The following PBX1 variants were observed in gnomAD, a reference collection of about 807,000 sequenced individuals.
PBX1 encodes PBX homeobox 1.
Under a neutral mutation model 53.4 loss-of-function variants are expected in PBX1, and 6 were observed. That is an observed-to-expected ratio of 0.11 (90% CI 0.06 to 0.22). The LOEUF (loss-of-function observed/expected upper bound fraction) is 0.22, where lower values mean the gene tolerates loss of function less well. PBX1 is among the 10% of genes least tolerant of loss of function. The pLI is 1.00. For missense variants in PBX1, 251 were observed against 551.4 expected (o/e 0.46, Z 5.46); for synonymous variants, 204 against 212.3 (o/e 0.96, Z 0.34).
chr1:164,652,506 A>G (rs1659892441), intron 2 of PBX1, among the ~76,000 whole-genome samples: 1 of 152,140 alleles, frequency 6.6e-6, no homozygotes, highest in Non-Finnish European at 1.5e-5. Context: ...AGATGGGAAA[A>G]ATGAGGGATA....
At chr1:164,862,894 T>C (rs1039840546) in intron 2 of PBX1, among the ~76,000 whole-genome samples, 2 of 152,128 alleles carry the variant, frequency 1.3e-5, no homozygotes, top group Non-Finnish European at 2.9e-5. Context: ...TTTTCTGTAG[T>C]GGTGGTTGTT....
chr1:164,661,134 C>T (rs567166297), intron 2 of PBX1, among the ~76,000 whole-genome samples: 2 of 152,218 alleles, frequency 1.3e-5, no homozygotes, highest in Non-Finnish European at 2.9e-5. Flanking sequence ...TTTTCTCTGT[C>T]TACCAACTCT....
At chr1:164,710,457 G>C (rs1371560902) in intron 2 of PBX1, among the ~76,000 whole-genome samples, 1 of 151,944 alleles carries the variant, frequency 6.6e-6, no homozygotes, top group South Asian at 2.1e-4. Context: ...TGTTGCCCAG[G>C]CTGGAGTGCA....
At chr1:164,574,946 C>T (rs1208065853) in intron 2 of PBX1, among the ~76,000 whole-genome samples, 2 of 151,890 alleles carry the variant, frequency 1.3e-5, no homozygotes, top group Non-Finnish European at 2.9e-5. Flanking sequence ...TGCGCCTTTA[C>T]ACTCCAGCCT....
intron 2 of PBX1, among the ~76,000 whole-genome samples, chr1:164,776,942 G>GGAGAGAGA (rs377054240): frequency 0.041 from 1,781 of 43,508 alleles, 328 homozygotes; most frequent in Non-Finnish European, 0.054. Context: ...TGTGGTGGGA[G>GGAGAGAGA]GAGAGAGAGA....
chr1:164,738,024 G>A (rs1357011105), intron 2 of PBX1, among the ~76,000 whole-genome samples: 1 of 151,782 alleles, frequency 6.6e-6, no homozygotes, highest in Non-Finnish European at 1.5e-5. Context: ...TATATATATG[G>A]CTTTTCATGT....
intron 2 of PBX1, among the ~76,000 whole-genome samples, chr1:164,608,331 G>A (rs998683539): frequency 3.4e-4 from 52 of 152,208 alleles, no homozygotes; most frequent in African/African-American, 1.2e-3. Flanking sequence ...ACCTGAGTGA[G>A]GTGAGCCACC....
At chr1:164,747,927 C>T (rs1473013371) in intron 2 of PBX1, among the ~76,000 whole-genome samples, 2 of 152,064 alleles carry the variant, frequency 1.3e-5, no homozygotes, top group Non-Finnish European at 2.9e-5. Context: ...TTTAATCCAC[C>T]TCCCAATTAT....
chr1:164,873,512 T>C (rs1343770201), intron 2 of PBX1, among the ~76,000 whole-genome samples: 1 of 152,236 alleles, frequency 6.6e-6, no homozygotes, highest in Non-Finnish European at 1.5e-5. Context: ...CTACATGCTC[T>C]GAAGCCCTTG....
rs541039475 is a variant in PBX1, at chr1:164,847,029, G to A, written c.*353G>A. On this transcript the variant is annotated 3_prime_UTR_variant, in exon 9 of 9. Coordinates refer to ENST00000420696, the MANE Select transcript of PBX1 (RefSeq NM_002585.4). Reference sequence around the variant, plus strand: ...TCAACAATTAGAGGAATTTAAAGAGGAAAAAAATTACAAAGAAAATAATAA... The same window carrying A: ...TCAACAATTAGAGGAATTTAAAGAGAAAAAAAATTACAAAGAAAATAATAA... The A allele has an allele frequency of 1.1e-5, 12 of 1,129,488 alleles. No individual in the cohort carries two copies. The South Asian group carries it at 4.8e-4, about 45-fold the overall frequency. 70.0% of individuals were successfully genotyped at this position (1,129,488 alleles called of 1,614,324 possible).
At position 164,851,619 on chromosome 1, in the gene PBX1, T is replaced by C. The variant is rs1027134098; in HGVS notation, c.*4943T>C. 1 of 186,390 alleles carries C rather than the reference T, an allele frequency of 5.4e-6. No individual in the cohort carries two copies. The highest frequency in any genetic ancestry group is 1.1e-5 in the Non-Finnish European group (1 of 88,138). 11.5% of individuals were successfully genotyped at this position (186,390 alleles called of 1,614,324 possible). A position where few individuals can be genotyped will look rare whatever the true frequency, so the allele number is the denominator to read the frequency against. ...CCTACCCCTCCCCTTTTCTTATTAT[T>C]CAGAATATAAACCTGCAAAGCTCTG... On this transcript the variant is annotated 3_prime_UTR_variant, in exon 9 of 9. Coordinates refer to ENST00000420696, the MANE Select transcript of PBX1 (RefSeq NM_002585.4).
intron 2 of PBX1, among the ~76,000 whole-genome samples, chr1:164,745,654 C>CT (rs1244838475): frequency 6.6e-6 from 1 of 152,148 alleles, no homozygotes; most frequent in African/African-American, 2.4e-5. Flanking sequence ...CCTAGTCAAC[C>CT]AGCTACAGGC....
intron 2 of PBX1, among the ~76,000 whole-genome samples, chr1:164,591,664 CA>C (rs1244880478): frequency 5.3e-5 from 8 of 152,184 alleles, no homozygotes; most frequent in Admixed American, 1.3e-4. Context: ...AGCTTGTGTG[CA>C]TATTAAATAA....
chr1:164,633,976 A>G (rs193252493), intron 2 of PBX1, among the ~76,000 whole-genome samples: 5 of 152,290 alleles, frequency 3.3e-5, no homozygotes, highest in Admixed American at 2.0e-4. Flanking sequence ...CTTCCATTCA[A>G]TTGAGGAAGG....
At chr1:164,803,273 CAT>C (rs1051518971) in intron 4 of PBX1, among the ~76,000 whole-genome samples, 18 of 152,346 alleles carry the variant, frequency 1.2e-4, no homozygotes, top group African/African-American at 4.3e-4. Flanking sequence ...CAGAACACCA[CAT>C]GTTACACATT....
At chr1:164,870,195 T>A (rs7524540) in intron 2 of PBX1, among the ~76,000 whole-genome samples, 55,353 of 136,650 alleles carry the variant, frequency 0.41, 12,422 homozygotes, top group East Asian at 0.63. Flanking sequence ...CTATTGACTT[T>A]CTTTCTTTCT....
Position 164,708,549 on chromosome 1 carries a change from C to G in PBX1, c.266-83945C>G, listed in dbSNP as rs562919771. Among the ~76,000 whole-genome samples the G allele has an allele frequency of 2.3e-4, 35 of 152,228 alleles. 1 individual carries two copies. The highest frequency in any genetic ancestry group is 4.7e-4 in the Non-Finnish European group (32 of 68,010). On this transcript the variant is annotated intron_variant, in intron 2 of 8. Transcript: ENST00000420696. ...AGTGTTTTTCAGCCCTTGCCCTTTC[C>G]CTCCCTCCTCCTTTTTGGAAACCCC...
chr1:164,792,766 C>A (rs1668583807), intron 3 of PBX1, 28 bp downstream of exon 3: 1 of 1,537,078 alleles, frequency 6.5e-7, no homozygotes, highest in Non-Finnish European at 8.9e-7. Context: ...GGGCTCGGCA[C>A]CCAGGCCCTT....
intron 2 of PBX1, among the ~76,000 whole-genome samples, chr1:164,636,990 T>G (rs1369391419): frequency 6.6e-6 from 1 of 152,166 alleles, no homozygotes; most frequent in African/African-American, 2.4e-5. Flanking sequence ...TTTGCACTTA[T>G]AGAAATGTAG....
Sources: gnomAD v4.1 joint callset for allele counts (sites outside exome capture counted in the v4.1 genomes callset) on GRCh38, gnomAD v4.1.1 for gene constraint, MANE v1.5 for transcripts, NCBI Gene and HGNC (gene_info 2026-07-23, HGNC 2026-07-21) for gene names.